The following KCNMA1 variants were observed in gnomAD, a reference collection of about 807,000 sequenced individuals.
KCNMA1 encodes the protein Calcium-activated potassium channel subunit alpha-1.
KCNMA1 carries 29 observed loss-of-function variants against 140.0 expected under a neutral mutation model. That is an observed-to-expected ratio of 0.21 (90% CI 0.15 to 0.28). KCNMA1 has a LOEUF of 0.28. KCNMA1 is among the 10% of genes least tolerant of loss of function. The probability of loss-of-function intolerance (pLI) is 1.00; values close to 1 mark genes in which losing one functional copy is unlikely to be tolerated. For synonymous variants in KCNMA1, 612 were observed against 611.9 expected (o/e 1.00, Z 0.00); for missense variants, 880 against 1,602.2 (o/e 0.55, Z 7.70).
At chr10:76,920,016 G>GTATATA (rs1377571381) in intron 23 of KCNMA1, among the ~76,000 whole-genome samples, 88 of 44,238 alleles carry the variant, frequency 2.0e-3, no homozygotes, top group Admixed American at 2.9e-3. Flanking sequence ...GTGTGTGTGT[G>GTATATA]TGTGTATATA....
At chr10:77,172,522 G>GAGCT (rs1034744043) in intron 5 of KCNMA1, among the ~76,000 whole-genome samples, 9 of 152,022 alleles carry the variant, frequency 5.9e-5, no homozygotes, top group African/African-American at 2.2e-4. Context: ...GAACAGCAAT[G>GAGCT]AGCTCCCTGA....
At chr10:76,911,132 T>C (rs2050018946) in intron 24 of KCNMA1, 2 of 152,144 alleles carry the variant, frequency 1.3e-5, no homozygotes, top group Admixed American at 6.6e-5. Flanking sequence ...TCTAAATGTA[T>C]CAACAGCTAA....
At chr10:77,532,971 G>T (rs146220011) in intron 1 of KCNMA1, among the ~76,000 whole-genome samples, 7 of 152,166 alleles carry the variant, frequency 4.6e-5, no homozygotes, top group African/African-American at 1.2e-4. Context: ...CTCTTCCTTA[G>T]CTCCTCTACC....
At chr10:77,506,557 A>C (rs2045892701) in intron 1 of KCNMA1, among the ~76,000 whole-genome samples, 1 of 127,220 alleles carries the variant, frequency 7.9e-6, no homozygotes. Flanking sequence ...GAGAGAGGGA[A>C]AGAGAGATGT....
At chr10:77,533,441 A>G (rs532894737) in intron 1 of KCNMA1, among the ~76,000 whole-genome samples, 3 of 152,280 alleles carry the variant, frequency 2.0e-5, no homozygotes, top group African/African-American at 7.2e-5. Flanking sequence ...TGTCTGCTTC[A>G]TTTGCAAACA....
intron 2 of KCNMA1, among the ~76,000 whole-genome samples, chr10:77,393,156 A>G (rs1003271143): frequency 6.6e-6 from 1 of 152,212 alleles, no homozygotes; most frequent in Admixed American, 6.5e-5. Flanking sequence ...CAGAGCAAAC[A>G]TCATCATCTG....
At chr10:77,183,601 C>T in intron 4 of KCNMA1, 69 bp from the exon 5 acceptor site, 2 of 1,092,204 alleles carry the variant, frequency 1.8e-6, no homozygotes, top group Non-Finnish European at 2.7e-6. Context: ...AATGTACACT[C>T]TTTTGTCAAA....
At chr10:77,112,264 G>A (rs1443865134) in intron 7 of KCNMA1, 103 bp downstream of exon 7, 11 of 842,186 alleles carry the variant, frequency 1.3e-5, no homozygotes, top group African/African-American at 5.0e-5. Context: ...CTACAACCGA[G>A]GTGAAGTTAA....
intron 18 of KCNMA1, among the ~76,000 whole-genome samples, chr10:77,007,057 G>A (rs1174728346): frequency 6.6e-6 from 1 of 152,200 alleles, no homozygotes; most frequent in Non-Finnish European, 1.5e-5. Context: ...AGAGCCATTG[G>A]ACTGAACTGT....
At chr10:77,256,318 G>A (rs1193048351) in intron 2 of KCNMA1, among the ~76,000 whole-genome samples, 1 of 152,150 alleles carries the variant, frequency 6.6e-6, no homozygotes, top group Non-Finnish European at 1.5e-5. Flanking sequence ...GCTCACAAAG[G>A]TGGCTACCAC....
chr10:77,153,195 G>T lies in KCNMA1; in HGVS notation c.808+30226C>A, dbSNP rs562403301. On this transcript the variant is annotated intron_variant, in intron 5 of 27. Transcript: ENST00000286628. Reference sequence around the variant, plus strand: ...AGAGTTCTCTTTCCAAATAATGTATGCCAACTTTCAGTGTAATCCAACACT... The same window carrying T: ...AGAGTTCTCTTTCCAAATAATGTATTCCAACTTTCAGTGTAATCCAACACT... Among the ~76,000 whole-genome samples the T allele has an allele frequency of 2.6e-5, 4 of 152,270 alleles. No individual in the cohort carries two copies. The East Asian group carries it at 7.7e-4, about 29-fold the overall frequency.
intron 5 of KCNMA1, among the ~76,000 whole-genome samples, chr10:77,138,489 T>G (rs1271628336): frequency 1.3e-5 from 2 of 152,124 alleles, no homozygotes; most frequent in African/African-American, 4.8e-5. Context: ...AGAACCATGG[T>G]TCACACTGCT....
At position 77,161,915 on chromosome 10, in the gene KCNMA1, C is replaced by T. The variant is rs77191192; in HGVS notation, c.808+21506G>A. The stretch of plus-strand genomic sequence containing the variant: ...TACTCTAGGCTGAAATTGTGTCTTA[C>T]ATTTCACAGTATACCATGCACAACA... On this transcript the variant is annotated intron_variant, in intron 5 of 27. Coordinates refer to ENST00000286628, the MANE Select transcript of KCNMA1 (RefSeq NM_001161352.2). Among the ~76,000 whole-genome samples, 108 of 152,342 alleles carry T rather than the reference C, an allele frequency of 7.1e-4. 2 individuals carry two copies. The East Asian group carries it at 0.02, about 28-fold the overall frequency.
At chr10:77,231,494 GT>G (rs1480041919) in intron 3 of KCNMA1, among the ~76,000 whole-genome samples, 16 of 152,172 alleles carry the variant, frequency 1.1e-4, no homozygotes, top group African/African-American at 3.9e-4. Flanking sequence ...TAAGCTTCTA[GT>G]GTTTTTCTTT....
chr10:76,987,694 A>G (rs1263765853), intron 19 of KCNMA1, among the ~76,000 whole-genome samples: 2 of 152,210 alleles, frequency 1.3e-5, no homozygotes, highest in African/African-American at 4.8e-5. Flanking sequence ...TCTCAGGAAA[A>G]GGTTCCAGAA....
At chr10:77,409,149 G>A (rs934021890) in intron 1 of KCNMA1, among the ~76,000 whole-genome samples, 1 of 152,152 alleles carries the variant, frequency 6.6e-6, no homozygotes, top group African/African-American at 2.4e-5. Flanking sequence ...CCGCAGAGGG[G>A]CTCACCCTTC....
At chr10:77,250,861 A>T (rs1436611533) in intron 3 of KCNMA1, 1 of 323,200 alleles carries the variant, frequency 3.1e-6, no homozygotes, top group East Asian at 7.0e-5. Flanking sequence ...ACCCTCCCAG[A>T]AGTTGCAAAT....
chr10:76,930,024 T>C (rs1345626122), intron 23 of KCNMA1: 1 of 152,058 alleles, frequency 6.6e-6, no homozygotes, highest in Non-Finnish European at 1.5e-5. Context: ...ACCGTAAAAC[T>C]CCTAGGAGAA....
At chr10:77,283,659 A>G (rs11002108) in intron 2 of KCNMA1, among the ~76,000 whole-genome samples, 36,540 of 152,162 alleles carry the variant, frequency 0.24, 5,636 homozygotes, top group Non-Finnish European at 0.35. Flanking sequence ...GTGGGTGTTT[A>G]CAAACACTTC....
Sources: allele counts gnomAD v4.1 joint callset (sites outside exome capture counted in the v4.1 genomes callset), GRCh38; gene constraint gnomAD v4.1.1; transcripts MANE v1.5; gene names NCBI Gene and HGNC (gene_info 2026-07-23, HGNC 2026-07-21).